The following TTLL7 variants were observed in gnomAD, a reference collection of about 807,000 sequenced individuals.
TTLL7 encodes the protein tubulin polyglutamylase TTLL7.
TTLL7 carries 53 observed loss-of-function variants against 120.2 expected under a neutral mutation model. That is an observed-to-expected ratio of 0.44 (90% confidence interval 0.35 to 0.55). The LOEUF (loss-of-function observed/expected upper bound fraction) is 0.55, where lower values mean the gene tolerates loss of function less well. TTLL7 is among the 20% of genes least tolerant of loss of function. TTLL7 has a pLI of 0.00. For missense variants in TTLL7, 803 were observed against 1,054.7 expected, an observed-to-expected ratio of 0.76 and a Z score of 3.31; for synonymous variants, 353 against 351.7, an observed-to-expected ratio of 1.00 and a Z score of -0.04.
At chr1:83,980,378 C>T (rs1238045678) in intron 1 of TTLL7, 1 of 152,226 alleles carries the variant, frequency 6.6e-6, no homozygotes, top group Non-Finnish European at 1.5e-5. Context: ...AATCCTCCCA[C>T]CTCAACTTCC....
At chr1:83,909,954 AAAAGG>A (rs1269279651) in intron 15 of TTLL7, among the ~76,000 whole-genome samples, 27 of 152,284 alleles carry the variant, frequency 1.8e-4, no homozygotes, top group South Asian at 1.5e-3. Context: ...TCCTTCAGAA[AAAAGG>A]AAGCAAATGA....
At chr1:83,924,752 A>G (rs139332046) in intron 10 of TTLL7, among the ~76,000 whole-genome samples, 2 of 152,332 alleles carry the variant, frequency 1.3e-5, no homozygotes, top group East Asian at 3.9e-4. Context: ...CACAATTTAA[A>G]AAAGTCAGTT....
At chr1:83,917,739 A>G in intron 13 of TTLL7, 49 bp from the exon 14 acceptor site, 1 of 1,297,904 alleles carries the variant, frequency 7.7e-7, no homozygotes. Flanking sequence ...GGACTCTAGA[A>G]TTTTTCCAAG....
Position 83,892,207 on chromosome 1 carries a change from CATATATATGAATATATATGTGT to C in TTLL7, c.2209-1748_2209-1727del, listed in dbSNP as rs1310205412. On this transcript the variant is annotated intron_variant, in intron 18 of 20. Coordinates refer to ENST00000260505, the MANE Select transcript of TTLL7 (RefSeq NM_024686.6). Reference sequence around the variant, plus strand: ...AATACACATAAACATTATATATACACATATATATGAATATATATGTGTATATATATGAATATATATGTATATA... The same window carrying C: ...AATACACATAAACATTATATATACACATATATATGAATATATATGTATATA... Among the ~76,000 whole-genome samples, 9 of 142,906 alleles carry C rather than the reference CATATATATGAATATATATGTGT, an allele frequency of 6.3e-5. No individual in the cohort carries two copies. The South Asian group carries it at 1.3e-3, about 21-fold the overall frequency. The allele number at this position is 142,906 out of a possible 152,430, so 93.8% of individuals were successfully genotyped here. A position where few individuals can be genotyped will look rare whatever the true frequency, so the allele number is the denominator to read the frequency against.
chr1:83,932,598 C>T lies in TTLL7; in HGVS notation c.1047+1010G>A, dbSNP rs530038793. Among the ~76,000 whole-genome samples, 4 of 151,954 alleles carry T rather than the reference C, an allele frequency of 2.6e-5. No individual in the cohort carries two copies. The South Asian group carries it at 8.3e-4, about 32-fold the overall frequency. On this transcript the variant is annotated intron_variant, in intron 9 of 20. Coordinates refer to ENST00000260505, the MANE Select transcript of TTLL7 (RefSeq NM_024686.6). ...ACACACACACACACACAATCTTTGG[C>T]CCTCAAATTAGAAAAGTGTCATTTC...
rs2100685842 is a variant in TTLL7, at chr1:83,868,568, C to T, written c.*1394G>A. ...TATGTGATAATTGAAATCTTCTATT[C>T]ACAATCCTTTAACTGTTTCTGTGGT... is the stretch of plus-strand genomic sequence containing the variant. On this transcript the variant is annotated 3_prime_UTR_variant, in exon 21 of 21. Coordinates refer to ENST00000260505, the MANE Select transcript of TTLL7 (RefSeq NM_024686.6). 6.6e-6 allele frequency: 1 copy of T among 152,294 alleles called. No homozygotes were observed. The allele number at this position is 152,294 out of a possible 1,614,324, so 9.4% of individuals were successfully genotyped here. A position where few individuals can be genotyped will look rare whatever the true frequency, so the allele number is the denominator to read the frequency against.
intron 6 of TTLL7, among the ~76,000 whole-genome samples, chr1:83,942,946 CTAGT>C (rs1648115318): frequency 6.6e-6 from 1 of 152,176 alleles, no homozygotes; most frequent in Admixed American, 6.5e-5. Context: ...TTAAGTTAAT[CTAGT>C]CTCGCCATCC....
At chr1:83,972,128 T>G (rs1651049571) in intron 1 of TTLL7, among the ~76,000 whole-genome samples, 1 of 152,004 alleles carries the variant, frequency 6.6e-6, no homozygotes, top group Non-Finnish European at 1.5e-5. Context: ...ATTACTGACA[T>G]AGTTTACATA....
intron 20 of TTLL7, among the ~76,000 whole-genome samples, chr1:83,881,664 G>A (rs1445654189): frequency 2.6e-5 from 4 of 151,286 alleles, no homozygotes; most frequent in African/African-American, 9.7e-5. Context: ...TTCAACCATT[G>A]TGGAAGTCAG....
chr1:83,920,764 C>A, intron 12 of TTLL7: 1 of 250,238 alleles, frequency 4.0e-6, no homozygotes, highest in Non-Finnish European at 7.7e-6. Context: ...AGTACAGTAA[C>A]CACCATGGAT....
intron 1 of TTLL7, among the ~76,000 whole-genome samples, chr1:83,972,381 G>A (rs551159756): frequency 2.1e-4 from 32 of 151,928 alleles, no homozygotes; most frequent in Non-Finnish European, 4.3e-4. Context: ...TATCAGATTG[G>A]CTTCTTTCAC....
chr1:83,927,625 G>A (rs75968710), intron 10 of TTLL7, among the ~76,000 whole-genome samples: 6,277 of 152,126 alleles, frequency 0.041, 155 homozygotes, highest in Middle Eastern at 0.099. Context: ...GCTACATGTT[G>A]GTAAACAGAA....
chr1:83,913,565 C>T (rs1280660989), intron 14 of TTLL7, among the ~76,000 whole-genome samples: 1 of 152,082 alleles, frequency 6.6e-6, no homozygotes, highest in Non-Finnish European at 1.5e-5. Context: ...TAAAAAGGAA[C>T]GGCTGTTTTG....
intron 1 of TTLL7, among the ~76,000 whole-genome samples, chr1:83,968,942 A>C (rs1245079001): frequency 6.6e-6 from 1 of 152,070 alleles, no homozygotes; most frequent in African/African-American, 2.4e-5. Flanking sequence ...ACAAAACTGT[A>C]ATTTTCCCTT....
At chr1:83,923,118 T>C (rs1658822529) in intron 10 of TTLL7, among the ~76,000 whole-genome samples, 1 of 150,762 alleles carries the variant, frequency 6.6e-6, no homozygotes, top group South Asian at 2.1e-4. Context: ...GGAAATGCCA[T>C]GGTTTAGGTA....
At chr1:83,912,661 AGAGT>A (rs1269339349) in intron 14 of TTLL7, among the ~76,000 whole-genome samples, 1 of 152,196 alleles carries the variant, frequency 6.6e-6, no homozygotes, top group East Asian at 1.9e-4. Context: ...CCTGGAATAC[AGAGT>A]GAGCCAAAAA....
At chr1:83,944,867 T>C (rs1648332038) in intron 6 of TTLL7, among the ~76,000 whole-genome samples, 1 of 152,124 alleles carries the variant, frequency 6.6e-6, no homozygotes, top group African/African-American at 2.4e-5. Context: ...AATAACAACA[T>C]AAAGGGAGTA....
At chr1:83,895,150 T>C (rs1656103796) in intron 18 of TTLL7, among the ~76,000 whole-genome samples, 1 of 152,114 alleles carries the variant, frequency 6.6e-6, no homozygotes, top group African/African-American at 2.4e-5. Flanking sequence ...GCAAGCACCT[T>C]ATTTTATTTT....
At chr1:83,950,105 C>T (rs1377053073) in intron 3 of TTLL7, 119 bp from the exon 4 acceptor site, 4 of 873,678 alleles carry the variant, frequency 4.6e-6, no homozygotes, top group Non-Finnish European at 6.7e-6. Context: ...ATATTAGTTA[C>T]AGCCTAACCT....
Sources: allele counts gnomAD v4.1 joint callset (sites outside exome capture counted in the v4.1 genomes callset), GRCh38; gene constraint gnomAD v4.1.1; transcripts MANE v1.5; gene names NCBI Gene and HGNC (gene_info 2026-07-23, HGNC 2026-07-21).